CBFA2T2: variants seen among roughly 807,000 people sequenced by gnomAD.
CBFA2T2 encodes protein CBFA2T2.
A neutral mutation model predicts 62.2 loss-of-function variants in CBFA2T2; 11 were observed. The ratio of observed to expected loss-of-function variants is 0.18; its 90% confidence interval spans 0.11 to 0.29. CBFA2T2 has a LOEUF of 0.29. Among genes scored for constraint, CBFA2T2 ranks in the 10% least tolerant of loss-of-function variants. CBFA2T2 has a pLI of 1.00. For synonymous variants in CBFA2T2, 295 were observed against 287.5 expected (o/e 1.03, Z -0.27); for missense variants, 592 against 774.1 (o/e 0.76, Z 2.79).
At chr20:33,497,741 G>A (rs1331401165) in intron 1 of CBFA2T2, among the ~76,000 whole-genome samples, 3 of 151,940 alleles carry the variant, frequency 2.0e-5, no homozygotes, top group Non-Finnish European at 2.9e-5. Flanking sequence ...GTAGAGATGG[G>A]GTTTCACCAT....
At chr20:33,580,673 A>G (rs1414521769) in intron 1 of CBFA2T2, among the ~76,000 whole-genome samples, 1 of 152,094 alleles carries the variant, frequency 6.6e-6, no homozygotes, top group African/African-American at 2.4e-5. Context: ...CAGTGTGGCA[A>G]TACCCTGTCT....
At chr20:33,624,446 C>G (rs2016136147) in intron 5 of CBFA2T2, among the ~76,000 whole-genome samples, 1 of 152,062 alleles carries the variant, frequency 6.6e-6, no homozygotes, top group Non-Finnish European at 1.5e-5. Flanking sequence ...TTAATACTTT[C>G]CTAAGTATGG....
chr20:33,499,359 T>C (rs1163116953), intron 1 of CBFA2T2, among the ~76,000 whole-genome samples: 1 of 152,192 alleles, frequency 6.6e-6, no homozygotes, highest in African/African-American at 2.4e-5. Flanking sequence ...CCTGAAAGCT[T>C]GGAGGCTAAT....
At chr20:33,633,304 G>A (rs115808242) in intron 8 of CBFA2T2, among the ~76,000 whole-genome samples, 2,078 of 151,028 alleles carry the variant, frequency 0.014, 44 homozygotes, top group African/African-American at 0.047. Context: ...CCTGGGAGGC[G>A]GAGGTTGTGG....
At chr20:33,558,866 C>T (rs528121573) in intron 1 of CBFA2T2, among the ~76,000 whole-genome samples, 2 of 151,862 alleles carry the variant, frequency 1.3e-5, no homozygotes, top group South Asian at 4.1e-4. Context: ...GATTCGGGTA[C>T]ATGTGCAGCT....
At position 33,645,548 on chromosome 20, in the gene CBFA2T2, T is replaced by A. The variant is rs2017022676; in HGVS notation, c.*902T>A. 1 of 152,244 alleles carries A rather than the reference T, an allele frequency of 6.6e-6. No homozygotes were observed. The highest frequency in any genetic ancestry group is 6.5e-5 in the Admixed American group (1 of 15,284). 9.4% of individuals were successfully genotyped at this position (152,244 alleles called of 1,614,324 possible). On this transcript the variant is annotated 3_prime_UTR_variant, in exon 11 of 11. Transcript: ENST00000342704. ...TTGGCTATTTGCACAGTCATCTTGT[T>A]CTGTGTCCTTTTATCTCTCAGACCA... is the stretch of plus-strand genomic sequence containing the variant.
Position 33,644,942 on chromosome 20 carries a change from T to C in CBFA2T2, c.*296T>C. 1 of 365,398 alleles carries C rather than the reference T, an allele frequency of 2.7e-6. No individual in the cohort carries two copies. Among genetic ancestry groups the C allele is most frequent in the Non-Finnish European group, 5.0e-6 (1 of 199,806 alleles). The allele number at this position is 365,398 out of a possible 1,614,324, so 22.6% of individuals were successfully genotyped here. A position where few individuals can be genotyped will look rare whatever the true frequency, so the allele number is the denominator to read the frequency against. Reference sequence around the variant, plus strand: ...TGACTTAGCCGGCCCCTTTTCAGTGTAGACCACCAGCTCCCCTCCCCATCT... The same window carrying C: ...TGACTTAGCCGGCCCCTTTTCAGTGCAGACCACCAGCTCCCCTCCCCATCT... On this transcript the variant is annotated 3_prime_UTR_variant, in exon 11 of 11. Transcript: ENST00000342704.
At chr20:33,588,744 C>T (rs1481276581) in intron 1 of CBFA2T2, among the ~76,000 whole-genome samples, 4 of 151,990 alleles carry the variant, frequency 2.6e-5, no homozygotes, top group Non-Finnish European at 4.4e-5. Flanking sequence ...GTCAAGAGTT[C>T]GAGACCAGCT....
At chr20:33,494,078 A>G (rs2011169515) in intron 1 of CBFA2T2, among the ~76,000 whole-genome samples, 1 of 150,356 alleles carries the variant, frequency 6.7e-6, no homozygotes, top group South Asian at 2.1e-4. Context: ...ATAGGGTTTC[A>G]CCATGTTGGT....
chr20:33,612,423 G>C (rs2015564491), intron 3 of CBFA2T2, among the ~76,000 whole-genome samples: 2 of 152,090 alleles, frequency 1.3e-5, no homozygotes, highest in Admixed American at 1.3e-4. Flanking sequence ...GTAAATCTAG[G>C]GACCCTGAAG....
intron 1 of CBFA2T2, among the ~76,000 whole-genome samples, chr20:33,532,117 C>T (rs2012078926): frequency 6.6e-6 from 1 of 152,146 alleles, no homozygotes; most frequent in Non-Finnish European, 1.5e-5. Flanking sequence ...GTTTCCAGAC[C>T]TCTCTAGGCC....
At chr20:33,573,956 ATT>A (rs79244534) in intron 1 of CBFA2T2, 919 of 328,550 alleles carry the variant, frequency 2.8e-3, no homozygotes, top group South Asian at 4.8e-3. Flanking sequence ...AATTTTTCTT[ATT>A]TTTTTTTTTT....
At chr20:33,545,278 C>A (rs2012521345) in intron 1 of CBFA2T2, among the ~76,000 whole-genome samples, 1 of 152,100 alleles carries the variant, frequency 6.6e-6, no homozygotes, top group Non-Finnish European at 1.5e-5. Context: ...ATTGCTTGAT[C>A]AGTTTTTGAA....
intron 8 of CBFA2T2, among the ~76,000 whole-genome samples, chr20:33,632,904 G>A (rs1356092617): frequency 2.0e-5 from 3 of 152,058 alleles, no homozygotes; most frequent in Non-Finnish European, 4.4e-5. Flanking sequence ...GATTACAGGT[G>A]TGCCCTACCA....
At position 33,640,548 on chromosome 20, in the gene CBFA2T2, C is replaced by T; in HGVS notation, c.1488+17C>T. On this transcript the variant is annotated intron_variant, in intron 10 of 10. Transcript: ENST00000342704. ...TCCACGGAGGTCAGAGCTCTGCGCC[C>T]TGGGGGCTGGGGTGAGCAGCTGGAG... 1 of 1,611,948 alleles carries T rather than the reference C, an allele frequency of 6.2e-7. No individual in the cohort carries two copies. Among genetic ancestry groups the T allele is most frequent in the Non-Finnish European group, 8.5e-7 (1 of 1,178,720 alleles).
At chr20:33,618,775 T>A (rs1438905531) in intron 3 of CBFA2T2, among the ~76,000 whole-genome samples, 6 of 152,180 alleles carry the variant, frequency 3.9e-5, no homozygotes, top group Non-Finnish European at 7.4e-5. Context: ...CCAAAATGTC[T>A]TAGAGTTGAC....
At chr20:33,567,713 G>T (rs2013391267) in intron 1 of CBFA2T2, among the ~76,000 whole-genome samples, 1 of 151,912 alleles carries the variant, frequency 6.6e-6, no homozygotes. Context: ...CTCCCAAGTA[G>T]CTGGGATTAC....
At position 33,531,986 on chromosome 20, in the gene CBFA2T2, C is replaced by G. The variant is rs537470279; in HGVS notation, c.34+41685C>G. ...ACAATTTATTGTGGGGAATTTTGAA[C>G]ATACACAAAGTAGATGGAGTAATGT... On this transcript the variant is annotated intron_variant, in intron 1 of 10. Coordinates refer to ENST00000342704, the MANE Select transcript of CBFA2T2 (RefSeq NM_001032999.3). 9.2e-5 allele frequency among the ~76,000 whole-genome samples: 14 copies of G among 152,302 alleles called. No individual in the cohort carries two copies. The South Asian group carries it at 2.5e-3, about 27-fold the overall frequency.
At chr20:33,568,734 T>TA (rs777644729) in intron 1 of CBFA2T2, among the ~76,000 whole-genome samples, 7 of 152,172 alleles carry the variant, frequency 4.6e-5, no homozygotes, top group Non-Finnish European at 7.3e-5. Context: ...AGGTGACTGT[T>TA]ATTGGCCCCA....
Sources: allele counts gnomAD v4.1 joint callset (sites outside exome capture counted in the v4.1 genomes callset), GRCh38; gene constraint gnomAD v4.1.1; transcripts MANE v1.5; gene names NCBI Gene and HGNC (gene_info 2026-07-23, HGNC 2026-07-21).